Variants in ACVR1 observed in about 807,000 individuals in gnomAD.
ACVR1 encodes the protein activin A receptor type 1.
In ACVR1, 38 loss-of-function variants were observed where a neutral mutation model predicts 57.1. The ratio of observed to expected loss-of-function variants is 0.67; its 90% CI spans 0.51 to 0.87. The LOEUF (loss-of-function observed/expected upper bound fraction) is 0.87. ACVR1 is among the 40% of genes least tolerant of loss of function. The probability of loss-of-function intolerance (pLI) is 0.00; values close to 1 mark genes in which losing one functional copy is unlikely to be tolerated. For synonymous variants in ACVR1, 212 were observed against 228.1 expected (o/e 0.93, Z 0.63); for missense variants, 463 against 638.2 (o/e 0.73, Z 2.96).
chr2:157,768,747 T>G (rs991981313), intron 7 of ACVR1, among the ~76,000 whole-genome samples: 5 of 152,212 alleles, frequency 3.3e-5, no homozygotes, highest in African/African-American at 9.7e-5. Flanking sequence ...TTAGGCTGCC[T>G]GATGTAATTT....
At position 157,832,199 on chromosome 2, in the gene ACVR1, A is replaced by G. The variant is rs896924150; in HGVS notation, c.-182-13640T>C. On this transcript the variant is annotated intron_variant, in intron 1 of 10. Transcript: ENST00000434821. ...TCTCTGCCTGTGTCCCATCTATAAA[A>G]CAGGCAGACACCACCCCCCAATCAG... Among the ~76,000 whole-genome samples, 14 of 152,206 alleles carry G rather than the reference A, an allele frequency of 9.2e-5. 1 individual carries two copies. Among genetic ancestry groups the G allele is most frequent in the Admixed American group, 7.9e-4 (12 of 15,276 alleles).
intron 3 of ACVR1, among the ~76,000 whole-genome samples, chr2:157,782,986 G>T (rs1201519204): frequency 1.3e-5 from 2 of 152,094 alleles, no homozygotes; most frequent in Non-Finnish European, 2.9e-5. Flanking sequence ...GCTGTTCATG[G>T]ACTGACAATG....
At chr2:157,761,098 A>T (rs1685633549) in intron 8 of ACVR1, 21 bp from the exon 9 acceptor site, 1 of 1,611,938 alleles carries the variant, frequency 6.2e-7, no homozygotes, top group South Asian at 1.1e-5. Flanking sequence ...GAAGATAACA[A>T]TGTAATCAAC....
chr2:157,781,360 C>T (rs2105282715), intron 3 of ACVR1, among the ~76,000 whole-genome samples: 1 of 152,304 alleles, frequency 6.6e-6, no homozygotes, highest in East Asian at 1.9e-4. Context: ...AGATGTTCAA[C>T]CTGTAATATA....
intron 2 of ACVR1, among the ~76,000 whole-genome samples, chr2:157,802,988 C>T (rs552716086): frequency 6.6e-6 from 1 of 152,152 alleles, no homozygotes; most frequent in South Asian, 2.1e-4. Flanking sequence ...CACAGACACA[C>T]ACAGAGAGAC....
chr2:157,826,754 AGG>A (rs1688379241), intron 1 of ACVR1: 1 of 111,342 alleles, frequency 9.0e-6, no homozygotes, highest in Non-Finnish European at 1.7e-5. Context: ...AGGAAAGGAA[AGG>A]AAAGGAAAGG....
intron 6 of ACVR1, among the ~76,000 whole-genome samples, chr2:157,772,472 T>C (rs1260384320): frequency 6.6e-6 from 1 of 152,230 alleles, no homozygotes; most frequent in Non-Finnish European, 1.5e-5. Flanking sequence ...TCTTTAGTCC[T>C]AACCCAAGAA....
intron 9 of ACVR1, among the ~76,000 whole-genome samples, chr2:157,748,313 G>A (rs1685049235): frequency 6.6e-6 from 1 of 152,152 alleles, no homozygotes; most frequent in Non-Finnish European, 1.5e-5. Flanking sequence ...GTCTAGCTAT[G>A]GAATGCCAAC....
chr2:157,854,794 C>T (rs1247052770), intron 1 of ACVR1, among the ~76,000 whole-genome samples: 2 of 151,532 alleles, frequency 1.3e-5, no homozygotes, highest in Non-Finnish European at 2.9e-5. Flanking sequence ...AATCTCAGCA[C>T]TTTGGGAGGC....
At chr2:157,785,280 A>G (rs901671943) in intron 3 of ACVR1, among the ~76,000 whole-genome samples, 1 of 152,238 alleles carries the variant, frequency 6.6e-6, no homozygotes, top group Non-Finnish European at 1.5e-5. Flanking sequence ...CTAAAAAAGG[A>G]ACTCAAGTAT....
At chr2:157,795,429 A>AC (rs1687075150) in intron 3 of ACVR1, among the ~76,000 whole-genome samples, 1 of 124,470 alleles carries the variant, frequency 8.0e-6, no homozygotes, top group African/African-American at 3.2e-5. Context: ...CACACACACA[A>AC]ACACAATAGG....
chr2:157,765,360 T>C (rs1460755578), intron 8 of ACVR1, among the ~76,000 whole-genome samples: 1 of 152,346 alleles, frequency 6.6e-6, no homozygotes, highest in South Asian at 2.1e-4. Context: ...GTATTTATTG[T>C]GCACCTACTT....
rs1477566934 is a variant in ACVR1 at position 157,851,866 on chromosome 2, C to A, written c.-183+23930G>T. ...AGAGGGAGACAGAGAAACACACACA[C>A]ACACACACACACACACACACACACA... On this transcript the variant is annotated intron_variant, in intron 1 of 10. Coordinates refer to ENST00000434821, the MANE Select transcript of ACVR1 (RefSeq NM_001111067.4). Among the ~76,000 whole-genome samples the A allele has an allele frequency of 2.5e-3, 8 of 3,260 alleles. No homozygotes were observed. The South Asian group carries it at 0.36, about 148-fold the overall frequency. 2.1% of individuals were successfully genotyped at this position (3,260 alleles called of 152,430 possible). A position where few individuals can be genotyped will look rare whatever the true frequency, so the allele number is the denominator to read the frequency against.
intron 8 of ACVR1, 67 bp downstream of exon 8, chr2:157,765,854 T>G: frequency 6.5e-7 from 1 of 1,537,604 alleles, no homozygotes; most frequent in Non-Finnish European, 8.9e-7. Flanking sequence ...GGGGGAGAGA[T>G]GCAACTCACC....
rs562203848 is a variant in ACVR1, at chr2:157,852,764, A to G, written c.-183+23032T>C. 1.4e-4 allele frequency among the ~76,000 whole-genome samples: 22 copies of G among 152,360 alleles called. 1 individual carries two copies. Among genetic ancestry groups the G allele is most frequent in the Admixed American group, 1.3e-3 (20 of 15,304 alleles). The stretch of plus-strand genomic sequence containing the variant: ...CCACAGAACTCCTAAAACCATCCAC[A>G]GAAGATTCCTTTAAAACAATATAAA... On this transcript the variant is annotated intron_variant, in intron 1 of 10. Transcript: ENST00000434821.
intron 1 of ACVR1, chr2:157,874,979 T>C (rs1374418571): frequency 6.6e-6 from 1 of 150,902 alleles, no homozygotes; most frequent in Non-Finnish European, 1.5e-5. Context: ...GCAAGCAGCG[T>C]TCAAATCTCC....
chr2:157,863,278 G>A (rs1049597144), intron 1 of ACVR1, among the ~76,000 whole-genome samples: 1 of 145,596 alleles, frequency 6.9e-6, no homozygotes, highest in East Asian at 2.0e-4. Context: ...CTCCCAAAGG[G>A]TTGGGATTAC....
Position 157,863,336 on chromosome 2 carries a change from C to CTTTTTTTTTTTTTT in ACVR1, c.-183+12446_-183+12459dup, listed in dbSNP as rs1161335923. Among the ~76,000 whole-genome samples the CTTTTTTTTTTTTTT allele has an allele frequency of 3.9e-4, 14 of 35,674 alleles. 4 individuals carry two copies. The highest frequency in any genetic ancestry group is 1.8e-3 in the Admixed American group (3 of 1,668). The allele number at this position is 35,674 out of a possible 152,430, so 23.4% of individuals were successfully genotyped here. On this transcript the variant is annotated intron_variant, in intron 1 of 10. Transcript: ENST00000434821. ...CCTATAGAACAGTTAAATTGTTTCT[C>CTTTTTTTTTTTTTT]TTTTTTTTTTTTTTTTTTTTTTTTT...
At chr2:157,754,518 A>G (rs1216152298) in intron 9 of ACVR1, among the ~76,000 whole-genome samples, 1 of 152,216 alleles carries the variant, frequency 6.6e-6, no homozygotes, top group Non-Finnish European at 1.5e-5. Flanking sequence ...GGAGATAGAT[A>G]AATTCCTGGA....
Sources: allele counts gnomAD v4.1 joint callset (sites outside exome capture counted in the v4.1 genomes callset), GRCh38; gene constraint gnomAD v4.1.1; transcripts MANE v1.5; gene names NCBI Gene and HGNC (gene_info 2026-07-23, HGNC 2026-07-21).